NADK: variants seen among roughly 807,000 people sequenced by gnomAD.
NADK encodes the protein NAD kinase, also known as poly(P)/ATP NAD kinase.
In NADK, 22 loss-of-function variants were observed where a neutral mutation model predicts 49.8. That is an observed-to-expected ratio of 0.44 (90% CI 0.32 to 0.63). NADK has a LOEUF of 0.63. Among genes scored for constraint, NADK ranks in the 30% least tolerant of loss-of-function variants. The probability of loss-of-function intolerance (pLI) is 0.06; values close to 1 mark genes in which losing one functional copy is unlikely to be tolerated. For synonymous variants in NADK, 268 were observed against 253.7 expected (o/e 1.06, Z -0.54); for missense variants, 438 against 609.4 (o/e 0.72, Z 2.96).
chr1:1,761,457 A>C (rs901132608), intron 3 of NADK, among the ~76,000 whole-genome samples: 1 of 152,238 alleles, frequency 6.6e-6, no homozygotes, highest in African/African-American at 2.4e-5. Context: ...TAAAACACAG[A>C]TATCAGATCG....
At chr1:1,770,952 G>A (rs1263305856) in intron 1 of NADK, among the ~76,000 whole-genome samples, 1 of 150,988 alleles carries the variant, frequency 6.6e-6, no homozygotes, top group Non-Finnish European at 1.5e-5. Flanking sequence ...GGAGGCTGAG[G>A]CAGGAGAATC....
chr1:1,756,960 G>C, intron 4 of NADK: 1 of 854,762 alleles, frequency 1.2e-6, no homozygotes, highest in South Asian at 1.4e-5. Flanking sequence ...CCAGGGCCAC[G>C]AGCCCACCAG....
chr1:1,759,259 C>G lies in NADK; in HGVS notation c.264-1949G>C, dbSNP rs776153944. 2.6e-6 allele frequency: 4 copies of G among 1,557,098 alleles called. No homozygotes were observed. The East Asian group carries it at 7.2e-5, about 28-fold the overall frequency. The stretch of plus-strand genomic sequence containing the variant: ...CCTGGGTCACCTGCAAAGCAGGACA[C>G]CAGCCCTTGCAGGCACGCACGGCTG... On this transcript the variant is annotated intron_variant, in intron 3 of 11. Transcript: ENST00000341426.
intron 1 of NADK, among the ~76,000 whole-genome samples, chr1:1,768,175 A>G (rs528181732): frequency 4.6e-5 from 7 of 151,200 alleles, no homozygotes; most frequent in Admixed American, 2.6e-4. Context: ...CCGTCTCAAA[A>G]AAAAAAAAAA....
chr1:1,756,066 C>T, intron 6 of NADK, 192 bp downstream of exon 6: 1 of 625,380 alleles, frequency 1.6e-6, no homozygotes, highest in Non-Finnish European at 2.8e-6. Context: ...AGCCGTAGCA[C>T]TGTGTCCACA....
intron 1 of NADK, among the ~76,000 whole-genome samples, chr1:1,771,458 C>T (rs895157894): frequency 3.9e-5 from 6 of 152,086 alleles, no homozygotes; most frequent in African/African-American, 9.7e-5. Flanking sequence ...CAAGAACAAA[C>T]GCGAAGGGCT....
chr1:1,754,829 CTTTTT>C lies in NADK; in HGVS notation c.689-136_689-132del, dbSNP rs1261619323. 50 of 878,686 alleles carry C rather than the reference CTTTTT, an allele frequency of 5.7e-5. No individual in the cohort carries two copies. Among genetic ancestry groups the C allele is most frequent in the Non-Finnish European group, 8.5e-5 (50 of 585,278 alleles). 54.4% of individuals were successfully genotyped at this position (878,686 alleles called of 1,614,324 possible). A position where few individuals can be genotyped will look rare whatever the true frequency, so the allele number is the denominator to read the frequency against. On this transcript the variant is annotated intron_variant, in intron 7 of 11. Transcript: ENST00000341426. This position sits in a 1 kb window ranked among gnomAD's most constrained non-coding sequence, Gnocchi z 4.3. The stretch of plus-strand genomic sequence containing the variant: ...AGTTGACACACTTCTGTGCCTTTTT[CTTTTT>C]ATTTTGAGATGGAGTCTCACTCTGT...
chr1:1,753,923 G>T, intron 10 of NADK, 128 bp downstream of exon 10: 1 of 1,221,482 alleles, frequency 8.2e-7, no homozygotes, highest in Non-Finnish European at 1.1e-6. Flanking sequence ...GCACAGGATG[G>T]CCCTAGGATG....
intron 1 of NADK, 58 bp from the exon 2 acceptor site, chr1:1,765,504 A>G: frequency 2.3e-6 from 2 of 881,026 alleles, no homozygotes; most frequent in South Asian, 2.7e-5. Context: ...TGAAACAATA[A>G]TAATTTACAC....
chr1:1,753,194 C>G lies in NADK; in HGVS notation c.1185-134G>C. On this transcript the variant is annotated intron_variant, in intron 11 of 11. Coordinates refer to ENST00000341426, the MANE Select transcript of NADK (RefSeq NM_023018.5). ...GGGGCCGGGCAGCCCCTCCCCGAGG[C>G]AGGCTTGAGCAGTGCCCCATGGGTG... 3 of 1,095,328 alleles carry G rather than the reference C, an allele frequency of 2.7e-6. No homozygotes were observed. The South Asian group carries it at 4.7e-5, about 17-fold the overall frequency. 67.9% of individuals were successfully genotyped at this position (1,095,328 alleles called of 1,614,324 possible). A position where few individuals can be genotyped will look rare whatever the true frequency, so the allele number is the denominator to read the frequency against.
rs142178415 is a variant in NADK at position 1,762,251 on chromosome 1, G to A, written c.180-216C>T. Among the ~76,000 whole-genome samples the A allele has an allele frequency of 3.7e-3, 570 of 152,334 alleles. 6 individuals carry two copies. Among genetic ancestry groups the A allele is most frequent in the Middle Eastern group, 0.014 (4 of 294 alleles). Reference sequence around the variant, plus strand: ...CTGTGAGGAGCACGCATGCCCACGCGCCGCTCAGATCATGACCCAAGCCGG... The same window carrying A: ...CTGTGAGGAGCACGCATGCCCACGCACCGCTCAGATCATGACCCAAGCCGG... On this transcript the variant is annotated intron_variant, in intron 2 of 11. Coordinates refer to ENST00000341426, the MANE Select transcript of NADK (RefSeq NM_023018.5).
At chr1:1,765,125 C>T in intron 2 of NADK, 103 bp downstream of exon 2, 1 of 1,163,848 alleles carries the variant, frequency 8.6e-7, no homozygotes, top group East Asian at 2.6e-5. Flanking sequence ...CTTCCGGATG[C>T]ATCGACGCAG....
chr1:1,765,440 C>A lies in NADK; in HGVS notation c.-34G>T. The A allele has an allele frequency of 7.0e-7, 1 of 1,431,954 alleles. No individual in the cohort carries two copies. Among genetic ancestry groups the A allele is most frequent in the Non-Finnish European group, 9.5e-7 (1 of 1,051,168 alleles). 88.7% of individuals were successfully genotyped at this position (1,431,954 alleles called of 1,614,324 possible). On this transcript the variant is annotated 5_prime_UTR_variant, in exon 2 of 12. Transcript: ENST00000341426. ...AATGAGAACTTCGGTCAGAAAAACA[C>A]TGATGCCTTAATTTAATAAAATAAA...
chr1:1,775,024 G>A (rs540423523), intron 1 of NADK, among the ~76,000 whole-genome samples: 5 of 152,118 alleles, frequency 3.3e-5, no homozygotes, highest in South Asian at 2.1e-4. Context: ...CAGGAGAATC[G>A]CTTGAACCCA....
chr1:1,755,879 C>T, intron 6 of NADK: 1 of 444,302 alleles, frequency 2.3e-6, no homozygotes, highest in Non-Finnish European at 4.1e-6. Context: ...AAGGGCAGAG[C>T]CAGGGTCCCC....
Position 1,771,055 on chromosome 1 carries a change from A to ATAT in NADK, c.-40-5610_-40-5609insATA, listed in dbSNP as rs1553187659. On this transcript the variant is annotated intron_variant, in intron 1 of 11. Transcript: ENST00000341426. Reference sequence around the variant, plus strand: ...GATTTCATCTTATAAAAAAAAAAAAAATATATATATATATATATATACACA... The same window carrying ATAT: ...GATTTCATCTTATAAAAAAAAAAAAATATATATATATATATATATATATACACA... 4.8e-4 allele frequency among the ~76,000 whole-genome samples: 64 copies of ATAT among 132,066 alleles called. 1 individual carries two copies. Among genetic ancestry groups the ATAT allele is most frequent in the Admixed American group, 1.0e-3 (13 of 12,856 alleles). 86.6% of individuals were successfully genotyped at this position (132,066 alleles called of 152,430 possible). A position where few individuals can be genotyped will look rare whatever the true frequency, so the allele number is the denominator to read the frequency against.
chr1:1,771,781 T>A (rs555086838), intron 1 of NADK, among the ~76,000 whole-genome samples: 13 of 152,032 alleles, frequency 8.6e-5, no homozygotes, highest in African/African-American at 3.1e-4. Context: ...CTATGAAACT[T>A]TTTAGAAGAA....
At chr1:1,775,427 A>G (rs2100390120) in intron 1 of NADK, among the ~76,000 whole-genome samples, 1 of 152,298 alleles carries the variant, frequency 6.6e-6, no homozygotes, top group South Asian at 2.1e-4. Flanking sequence ...CCACTAAATT[A>G]CCCATCTCAT....
intron 2 of NADK, among the ~76,000 whole-genome samples, chr1:1,762,590 T>C (rs1645759749): frequency 6.6e-6 from 1 of 152,036 alleles, no homozygotes; most frequent in Admixed American, 6.6e-5. Context: ...ACCCCCATCC[T>C]TACTAAAAAA....
Sources: allele counts gnomAD v4.1 joint callset (sites outside exome capture counted in the v4.1 genomes callset), GRCh38; gene constraint gnomAD v4.1.1; non-coding constraint Gnocchi (gnomAD v3.1); transcripts MANE v1.5; gene names NCBI Gene and HGNC (gene_info 2026-07-23, HGNC 2026-07-21).